The following SVIL variants were observed in gnomAD, a reference collection of about 807,000 sequenced individuals.
SVIL encodes the protein archvillin.
A neutral mutation model predicts 240.4 loss-of-function variants in SVIL; 101 were observed. That is an observed-to-expected ratio of 0.42 (90% CI 0.36 to 0.50). SVIL has a LOEUF of 0.50. Among genes scored for constraint, SVIL ranks in the 20% least tolerant of loss-of-function variants. SVIL has a pLI of 0.01. For missense variants in SVIL, 2,512 were observed against 2,818.7 expected (o/e 0.89, Z 2.46); for synonymous variants, 999 against 1,100.0 (o/e 0.91, Z 1.82).
chr10:29,464,550 G>A (rs1944661794), intron 34 of SVIL, among the ~76,000 whole-genome samples: 1 of 152,130 alleles, frequency 6.6e-6, no homozygotes. Context: ...GTGGCAAAAT[G>A]CCTCTCACTC....
chr10:29,690,356 A>G (rs1961408605), intron 1 of SVIL, among the ~76,000 whole-genome samples: 1 of 152,136 alleles, frequency 6.6e-6, no homozygotes, highest in Non-Finnish European at 1.5e-5. Context: ...ATTATATGAA[A>G]TGTTGGTCCC....
chr10:29,513,730 C>G (rs1273086352), intron 16 of SVIL, among the ~76,000 whole-genome samples: 1 of 152,124 alleles, frequency 6.6e-6, no homozygotes, highest in Non-Finnish European at 1.5e-5. Flanking sequence ...TTTCTATAAA[C>G]CCATTTTTTA....
At chr10:29,498,348 G>A (rs1306800198) in intron 18 of SVIL, among the ~76,000 whole-genome samples, 1 of 151,684 alleles carries the variant, frequency 6.6e-6, no homozygotes, top group Non-Finnish European at 1.5e-5. Context: ...AACCCGGGAG[G>A]TGGAGGATGC....
chr10:29,541,136 T>C (rs956415723), intron 6 of SVIL, among the ~76,000 whole-genome samples: 1 of 152,244 alleles, frequency 6.6e-6, no homozygotes, highest in Non-Finnish European at 1.5e-5. Context: ...TCTTCATGTC[T>C]TTTAATCTTG....
In SVIL at chr10:29,554,901, A is replaced by G. The variant is rs375920850; in HGVS notation, c.42T>C (p.Ile14=). 105 of 1,613,154 alleles carry G rather than the reference A, an allele frequency of 6.5e-5. No homozygotes were observed. Among genetic ancestry groups the G allele is most frequent in the Non-Finnish European group, 8.8e-5 (104 of 1,179,708 alleles). Residue 14 remains isoleucine, a synonymous_variant, in exon 5 of 38, where the codon ATT becomes ATC. Coordinates refer to ENST00000355867, the MANE Select transcript of SVIL (RefSeq NM_021738.3). ...KERIARRLEG[I]ENDTQPILLQ... ...AGAGGATGGGCTGAGTGTCATTTTC[A>G]ATCCCTTCCAGGCGCCTGGCAATTC... is the stretch of plus-strand genomic sequence containing the variant.
chr10:29,673,935 C>G (rs1394269904), intron 2 of SVIL, among the ~76,000 whole-genome samples: 2 of 152,186 alleles, frequency 1.3e-5, no homozygotes, highest in Non-Finnish European at 2.9e-5. Context: ...AGAAAATTCT[C>G]TAATTAAGCC....
chr10:29,654,285 A>G (rs1191325837), intron 3 of SVIL, among the ~76,000 whole-genome samples: 1 of 152,026 alleles, frequency 6.6e-6, no homozygotes, highest in Non-Finnish European at 1.5e-5. Flanking sequence ...TAAGTTTTTT[A>G]TCTTTTTCAT....
chr10:29,676,563 G>C (rs780325561), intron 2 of SVIL, among the ~76,000 whole-genome samples: 1 of 152,166 alleles, frequency 6.6e-6, no homozygotes, highest in African/African-American at 2.4e-5. Flanking sequence ...GGTTTGCAGA[G>C]ATTTCCTCTT....
At chr10:29,622,512 A>G (rs1957701236) in intron 1 of SVIL, among the ~76,000 whole-genome samples, 2 of 152,186 alleles carry the variant, frequency 1.3e-5, no homozygotes. Flanking sequence ...GAATGAATAA[A>G]TAATGAAACT....
intron 3 of SVIL, among the ~76,000 whole-genome samples, chr10:29,560,572 C>T (rs1954363630): frequency 6.6e-6 from 1 of 152,150 alleles, no homozygotes; most frequent in East Asian, 1.9e-4. Flanking sequence ...CTTTAATGCC[C>T]ATTTTCACAG....
At chr10:29,503,772 T>C (rs1949069739) in intron 17 of SVIL, among the ~76,000 whole-genome samples, 2 of 152,198 alleles carry the variant, frequency 1.3e-5, no homozygotes, top group Non-Finnish European at 2.9e-5. Context: ...AGATGGCAGG[T>C]TTTCCCAACT....
intron 1 of SVIL, among the ~76,000 whole-genome samples, chr10:29,618,244 A>G (rs947222892): frequency 6.6e-6 from 1 of 152,236 alleles, no homozygotes; most frequent in Non-Finnish European, 1.5e-5. Flanking sequence ...ATTAGGAACC[A>G]TGACCTCAAC....
intron 3 of SVIL, among the ~76,000 whole-genome samples, chr10:29,651,043 T>C (rs1299856838): frequency 6.6e-6 from 1 of 152,154 alleles, no homozygotes; most frequent in African/African-American, 2.4e-5. Flanking sequence ...CTTTACATTT[T>C]CTCCCAATCA....
chr10:29,665,377 C>T (rs997590431), intron 2 of SVIL, among the ~76,000 whole-genome samples: 1 of 152,112 alleles, frequency 6.6e-6, no homozygotes, highest in Admixed American at 6.5e-5. Context: ...AATTCAGCAC[C>T]TGGCGAAGGC....
chr10:29,578,281 T>C (rs543620079), intron 1 of SVIL, among the ~76,000 whole-genome samples: 100 of 152,354 alleles, frequency 6.6e-4, no homozygotes, highest in Middle Eastern at 3.4e-3. Context: ...TATGCACGAT[T>C]TCCTTCTGTA....
At chr10:29,692,343 C>T (rs1228799984) in intron 1 of SVIL, among the ~76,000 whole-genome samples, 1 of 152,158 alleles carries the variant, frequency 6.6e-6, no homozygotes, top group Non-Finnish European at 1.5e-5. Context: ...CATTCCACCC[C>T]GTATGAGCAG....
chr10:29,690,562 C>T (rs185380269), intron 1 of SVIL, among the ~76,000 whole-genome samples: 185 of 151,576 alleles, frequency 1.2e-3, no homozygotes, highest in Non-Finnish European at 2.3e-3. Context: ...ACTAGAAGGC[C>T]CTATGTTTTT....
intron 33 of SVIL, among the ~76,000 whole-genome samples, chr10:29,466,343 A>C (rs958426843): frequency 3.3e-5 from 5 of 152,134 alleles, no homozygotes; most frequent in Admixed American, 3.3e-4. Context: ...ATGCTTAGCT[A>C]TCTGTCTCCT....
chr10:29,604,724 C>T (rs545037280), intron 1 of SVIL, among the ~76,000 whole-genome samples: 1 of 151,710 alleles, frequency 6.6e-6, no homozygotes, highest in South Asian at 2.1e-4. Context: ...GTCACTATGC[C>T]CAGCTAATCT....
Sources: gnomAD v4.1 joint callset for allele counts (sites outside exome capture counted in the v4.1 genomes callset) on GRCh38, gnomAD v4.1.1 for gene constraint, MANE v1.5 for transcripts, NCBI Gene and HGNC (gene_info 2026-07-23, HGNC 2026-07-21) for gene names.